CWF19L2: variants seen among roughly 807,000 people sequenced by gnomAD.
CWF19L2 encodes the protein CWF19-like protein 2.
CWF19L2 carries 98 observed loss-of-function variants against 111.7 expected under a neutral mutation model. That is an observed-to-expected ratio of 0.88 (90% CI 0.75 to 1.04). CWF19L2 has a LOEUF of 1.04. Among genes scored for constraint, CWF19L2 ranks in the 50% least tolerant of loss-of-function variants. CWF19L2 has a pLI of 0.00. For missense variants in CWF19L2, 1,101 were observed against 1,051.4 expected, an observed-to-expected ratio of 1.05 and a Z score of -0.65; for synonymous variants, 351 against 342.9, an observed-to-expected ratio of 1.02 and a Z score of -0.26.
chr11:107,398,047 T>A (rs1860949316), intron 10 of CWF19L2, among the ~76,000 whole-genome samples: 1 of 152,160 alleles, frequency 6.6e-6, no homozygotes, highest in Admixed American at 6.5e-5. Flanking sequence ...GCCCTAGACC[T>A]TCCCTTTGAC....
At chr11:107,391,373 C>T (rs933219397) in intron 11 of CWF19L2, among the ~76,000 whole-genome samples, 3 of 152,176 alleles carry the variant, frequency 2.0e-5, no homozygotes, top group Non-Finnish European at 2.9e-5. Flanking sequence ...AACCCGTAAG[C>T]GTGCCCTCAT....
At chr11:107,402,873 G>GTGTGTATATATATATATATATATA (rs1247886311) in intron 10 of CWF19L2, among the ~76,000 whole-genome samples, 39 of 94,410 alleles carry the variant, frequency 4.1e-4, no homozygotes, top group African/African-American at 1.4e-3. Flanking sequence ...ACTGTGGTGT[G>GTGTGTATATATATATATATATATA]TATATATATA....
At chr11:107,427,227 T>TTTTTCC (rs5794552) in intron 8 of CWF19L2, among the ~76,000 whole-genome samples, 1 of 151,128 alleles carries the variant, frequency 6.6e-6, no homozygotes, top group Non-Finnish European at 1.5e-5. Flanking sequence ...TCAGGAATCT[T>TTTTTCC]TTTTTTTGGA....
In CWF19L2 at chr11:107,353,660, AGAC is replaced by A. The variant is rs1157876657; in HGVS notation, c.1946_1948del (p.Arg649del). 2 of 1,613,692 alleles carry A rather than the reference AGAC, an allele frequency of 1.2e-6. No individual in the cohort carries two copies. Among genetic ancestry groups the A allele is most frequent in the Non-Finnish European group, 1.7e-6 (2 of 1,179,768 alleles). On this transcript the variant is annotated inframe_deletion, in exon 13 of 18. Coordinates refer to ENST00000282251, the MANE Select transcript of CWF19L2 (RefSeq NM_152434.3). ...CCTTTGGTTCTCTTCCTCTTCACCA[AGAC>A]GTTCTCTCTCAGCTGCTTTGGAGAC...
At chr11:107,403,644 C>T (rs1861038585) in intron 10 of CWF19L2, 1 of 776,182 alleles carries the variant, frequency 1.3e-6, no homozygotes, top group Non-Finnish European at 2.4e-6. Flanking sequence ...TCTTTCTTCT[C>T]CTCACCTTTG....
chr11:107,448,258 T>C (rs1185295153), intron 3 of CWF19L2, among the ~76,000 whole-genome samples: 3 of 136,172 alleles, frequency 2.2e-5, no homozygotes, highest in Admixed American at 8.6e-5. Context: ...GGGACGAGAA[T>C]CACTTCAACC....
At chr11:107,419,036 A>G (rs565421809) in intron 8 of CWF19L2, among the ~76,000 whole-genome samples, 2 of 152,332 alleles carry the variant, frequency 1.3e-5, no homozygotes, top group South Asian at 2.1e-4. Context: ...AAGCTGCACC[A>G]TAAGAAAATC....
chr11:107,413,740 A>G (rs1413582864), intron 10 of CWF19L2, among the ~76,000 whole-genome samples: 3 of 152,208 alleles, frequency 2.0e-5, no homozygotes, highest in Admixed American at 2.0e-4. Context: ...TAGGTACCAC[A>G]ACTTAGTGTA....
chr11:107,345,189 C>G (rs1044969307), intron 14 of CWF19L2, among the ~76,000 whole-genome samples: 4 of 152,128 alleles, frequency 2.6e-5, no homozygotes, highest in Middle Eastern at 3.2e-3. Flanking sequence ...TATTTTGTTA[C>G]TTGTTACTAT....
intron 10 of CWF19L2, among the ~76,000 whole-genome samples, chr11:107,396,733 G>A (rs1473787466): frequency 6.6e-6 from 1 of 152,120 alleles, no homozygotes; most frequent in Non-Finnish European, 1.5e-5. Flanking sequence ...GTGGATTTTA[G>A]CTCCAGATTG....
intron 12 of CWF19L2, among the ~76,000 whole-genome samples, chr11:107,362,274 C>A (rs938706988): frequency 2.0e-5 from 3 of 152,094 alleles, no homozygotes; most frequent in Admixed American, 6.5e-5. Flanking sequence ...CCCAGGCTTG[C>A]TTAGGTAAAC....
chr11:107,408,228 G>C (rs1417257183), intron 10 of CWF19L2, among the ~76,000 whole-genome samples: 1 of 151,814 alleles, frequency 6.6e-6, no homozygotes, highest in African/African-American at 2.4e-5. Flanking sequence ...TCTCTTTCCT[G>C]AAAGAAAGCT....
intron 8 of CWF19L2, among the ~76,000 whole-genome samples, chr11:107,421,367 CAA>C (rs951700207): frequency 5.9e-5 from 9 of 151,728 alleles, no homozygotes; most frequent in African/African-American, 2.2e-4. Context: ...CAAATTAAAA[CAA>C]AGTTTAAAAA....
At chr11:107,349,168 G>A in intron 13 of CWF19L2, 115 bp from the exon 14 acceptor site, 1 of 413,780 alleles carries the variant, frequency 2.4e-6, no homozygotes. Context: ...AGAAAAAAAT[G>A]ATGAATATTT....
At chr11:107,345,178 C>T (rs1312520353) in intron 14 of CWF19L2, among the ~76,000 whole-genome samples, 1 of 152,160 alleles carries the variant, frequency 6.6e-6, no homozygotes. Context: ...CAGATTGTCT[C>T]TATTTTGTTA....
chr11:107,422,249 C>T (rs1861312502), intron 8 of CWF19L2, among the ~76,000 whole-genome samples: 6 of 151,942 alleles, frequency 3.9e-5, no homozygotes, highest in Admixed American at 3.9e-4. Flanking sequence ...ATCAAAAATG[C>T]AGCATTCATG....
rs138152569 is a variant in CWF19L2, at chr11:107,330,382, C to T, written c.2440-363G>A. 4.3e-3 allele frequency among the ~76,000 whole-genome samples: 661 copies of T among 152,220 alleles called. 8 individuals are homozygous for T. The highest frequency in any genetic ancestry group is 0.015 in the African/African-American group (637 of 41,538). ...TAAGTATATGCCTTCTTGTATTCCA[C>T]TCACAATGGAGAACAGCAAGAGGGA... On this transcript the variant is annotated intron_variant, in intron 16 of 17. Transcript: ENST00000282251.
intron 12 of CWF19L2, among the ~76,000 whole-genome samples, chr11:107,383,888 G>A (rs1443682120): frequency 6.6e-6 from 1 of 152,100 alleles, no homozygotes; most frequent in Non-Finnish European, 1.5e-5. Context: ...GTTTAAATTG[G>A]GTCACCCAGG....
At chr11:107,327,904 GCACAAACCA>G (rs1265386171) in intron 17 of CWF19L2, among the ~76,000 whole-genome samples, 14 of 152,114 alleles carry the variant, frequency 9.2e-5, no homozygotes, top group Admixed American at 9.2e-4. Context: ...GTGAGATCCT[GCACAAACCA>G]CATAATCTTT....
Sources: allele counts gnomAD v4.1 joint callset (sites outside exome capture counted in the v4.1 genomes callset), GRCh38; gene constraint gnomAD v4.1.1; transcripts MANE v1.5; gene names NCBI Gene and HGNC (gene_info 2026-07-23, HGNC 2026-07-21).